MYO10: variants seen among roughly 807,000 people sequenced by gnomAD.
The protein encoded by MYO10 is myosin X, also known as unconventional myosin-X.
A neutral mutation model predicts 257.3 loss-of-function variants in MYO10; 133 were observed. That is an observed-to-expected ratio of 0.52 (90% CI 0.45 to 0.60). MYO10 has a LOEUF of 0.60. MYO10 is among the 20% of genes least tolerant of loss of function. The pLI, the probability that MYO10 is intolerant of heterozygous loss-of-function variation, is 0.00. For missense variants in MYO10, 2,399 were observed against 2,635.7 expected, an observed-to-expected ratio of 0.91 and a Z score of 1.97; for synonymous variants, 1,104 against 1,028.6, an observed-to-expected ratio of 1.07 and a Z score of -1.40.
At chr5:16,850,194 C>T (rs1051645924) in intron 2 of MYO10, among the ~76,000 whole-genome samples, 3 of 152,196 alleles carry the variant, frequency 2.0e-5, no homozygotes, top group Non-Finnish European at 4.4e-5. Context: ...ATGGCACCAT[C>T]GATTCATTCT....
intron 1 of MYO10, among the ~76,000 whole-genome samples, chr5:16,882,526 G>C (rs912346987): frequency 1.3e-5 from 2 of 151,872 alleles, no homozygotes; most frequent in African/African-American, 4.8e-5. Context: ...CTGGTATAGA[G>C]ATACTCAGAA....
chr5:16,702,891 C>T, intron 23 of MYO10, 34 bp downstream of exon 23: 2 of 1,522,632 alleles, frequency 1.3e-6, no homozygotes, highest in South Asian at 1.2e-5. Context: ...AAAATGTATC[C>T]ATTTGTTTCA....
chr5:16,693,277 T>C (rs949120737), intron 27 of MYO10, among the ~76,000 whole-genome samples: 1 of 152,112 alleles, frequency 6.6e-6, no homozygotes, highest in Non-Finnish European at 1.5e-5. Flanking sequence ...AGTCAATCAA[T>C]TGATCTATAG....
rs1270513260 is a variant in MYO10, at chr5:16,786,227, AT to A, written c.468-2759del. Among the ~76,000 whole-genome samples the A allele has an allele frequency of 1.2e-4, 18 of 152,146 alleles. 1 individual carries two copies. The highest frequency in any genetic ancestry group is 1.0e-3 in the Admixed American group (16 of 15,270). The stretch of plus-strand genomic sequence containing the variant: ...CCTTGGCTCACCGAATATGGCAAAA[AT>A]ACAATTATGGAGAAGATACGATACT... On this transcript the variant is annotated intron_variant, in intron 4 of 40. Coordinates refer to ENST00000513610, the MANE Select transcript of MYO10 (RefSeq NM_012334.3).
At chr5:16,828,648 C>T (rs1743071618) in intron 2 of MYO10, among the ~76,000 whole-genome samples, 1 of 149,994 alleles carries the variant, frequency 6.7e-6, no homozygotes, top group South Asian at 2.1e-4. Flanking sequence ...AGCAAAGAAT[C>T]CCAGTGACCC....
At chr5:16,834,616 T>A (rs1478428498) in intron 2 of MYO10, among the ~76,000 whole-genome samples, 1 of 152,170 alleles carries the variant, frequency 6.6e-6, no homozygotes, top group Non-Finnish European at 1.5e-5. Flanking sequence ...GGACTTTACG[T>A]TTGTCATCTA....
Position 16,681,889 on chromosome 5 carries a change from G to T in MYO10, c.4171C>A (p.Gln1391Lys), listed in dbSNP as rs759150568. ...CAGTCACCTCTCACGATGAATTCCT[G>T]GCCCTCCACTCTGGTGTCCCCTTTG... Reference protein sequence around the residue: ...RSKGDTRVEGQEFIVRGWLHK... With the variant: ...RSKGDTRVEGKEFIVRGWLHK... Residue 1391 changes from glutamine to lysine, a missense_variant, in exon 31 of 41, where the codon CAG (glutamine) becomes AAG (lysine). Transcript: ENST00000513610. 2 of 1,613,918 alleles carry T rather than the reference G, an allele frequency of 1.2e-6. No homozygotes were observed. The highest frequency in any genetic ancestry group is 1.7e-6 in the Non-Finnish European group (2 of 1,179,852).
chr5:16,849,830 C>T (rs1743747364), intron 2 of MYO10, among the ~76,000 whole-genome samples: 1 of 152,130 alleles, frequency 6.6e-6, no homozygotes. Context: ...CATTTCAAAG[C>T]AGCTAAAATA....
In MYO10 at chr5:16,676,028, T is replaced by C. The variant is rs1471968460; in HGVS notation, c.4666+3A>G. ...AGGAGTCGGGGTGGAGCTCTGGACT[T>C]ACAGTTGAGATTTATGTCCCCATAC... On this transcript the variant is annotated splice_donor_region_variant and intron_variant, in intron 34 of 40. Coordinates refer to ENST00000513610, the MANE Select transcript of MYO10 (RefSeq NM_012334.3). 2.5e-6 allele frequency: 4 copies of C among 1,606,250 alleles called. No homozygotes were observed. Among genetic ancestry groups the C allele is most frequent in the African/African-American group, 1.3e-5 (1 of 74,314 alleles).
At position 16,676,163 on chromosome 5, in the gene MYO10, A is replaced by C. The variant is rs77848028; in HGVS notation, c.4543-9T>G. The C allele has an allele frequency of 0.012, 19,076 of 1,610,868 alleles. 1,909 individuals are homozygous for C. The African/African-American group carries it at 0.22, about 19-fold the overall frequency. On this transcript the variant is annotated splice_polypyrimidine_tract_variant and intron_variant, in intron 33 of 40. Transcript: ENST00000513610. ...GAGTTCAGGCAGTTCTCCTAAAAAT[A>C]AAGCAAGCAAGCTTATTGTAAGAAA... is the stretch of plus-strand genomic sequence containing the variant.
At chr5:16,713,414 C>G in intron 19 of MYO10, 1 of 985,862 alleles carries the variant, frequency 1.0e-6, no homozygotes, top group Non-Finnish European at 1.2e-6. Context: ...GCCACACTGA[C>G]CTTTTCCCCA....
rs999788436 is a variant in MYO10, at chr5:16,880,175, T to A, written c.22-2468A>T. Among the ~76,000 whole-genome samples, 7 of 122,982 alleles carry A rather than the reference T, an allele frequency of 5.7e-5. No individual in the cohort carries two copies. The South Asian group carries it at 1.3e-3, about 23-fold the overall frequency. The allele number at this position is 122,982 out of a possible 152,430, so 80.7% of individuals were successfully genotyped here. ...AGCCTGGGTGACAGAGTAAACTCTATCTCAAAAAATAAATAAATAAGTAAA... is the reference window on the plus strand; with the variant it reads ...AGCCTGGGTGACAGAGTAAACTCTAACTCAAAAAATAAATAAATAAGTAAA... On this transcript the variant is annotated intron_variant, in intron 1 of 40. Transcript: ENST00000513610.
chr5:16,768,197 A>G (rs1001150327), intron 10 of MYO10, among the ~76,000 whole-genome samples: 6 of 152,188 alleles, frequency 3.9e-5, no homozygotes, highest in Non-Finnish European at 7.3e-5. Context: ...CTTCCATCAG[A>G]AAAGTTTTAA....
At position 16,711,141 on chromosome 5, in the gene MYO10, G is replaced by A; in HGVS notation, c.2034C>T (p.Pro678=). The change falls in exon 20 of 41, where the codon CCC becomes CCT. Residue 678 remains proline (P), a synonymous_variant. Coordinates refer to ENST00000513610, the MANE Select transcript of MYO10 (RefSeq NM_012334.3). ...CTTGCCTTTTGTAAAAGTCCTGAAA[G>A]GGTCTTCGGACCGCATACCCAGCTT... ...IRKAGYAVRR[P]FQDFYKRYKV... The A allele has an allele frequency of 6.2e-7, 1 of 1,613,912 alleles. No individual in the cohort carries two copies. The highest frequency in any genetic ancestry group is 2.2e-5 in the East Asian group (1 of 44,878).
At chr5:16,669,461 C>T (rs1441332895) in intron 39 of MYO10, among the ~76,000 whole-genome samples, 1 of 152,146 alleles carries the variant, frequency 6.6e-6, no homozygotes, top group East Asian at 1.9e-4. Context: ...GCCTTGGCCT[C>T]CCAAAGCGCT....
At chr5:16,916,240 C>A (rs1745813078) in intron 1 of MYO10, 1 of 437,554 alleles carries the variant, frequency 2.3e-6, no homozygotes, top group South Asian at 1.6e-5. Context: ...ATTTCACCGT[C>A]AACAGATAGT....
chr5:16,741,789 G>C (rs946126402), intron 19 of MYO10: 1 of 984,796 alleles, frequency 1.0e-6, no homozygotes, highest in Non-Finnish European at 1.2e-6. Context: ...GAACAAGAAA[G>C]AGAAAAATCC....
chr5:16,892,977 C>CCT (rs1464357360), intron 1 of MYO10, among the ~76,000 whole-genome samples: 1 of 151,938 alleles, frequency 6.6e-6, no homozygotes, highest in Non-Finnish European at 1.5e-5. Context: ...GGGCAGATCA[C>CCT]GAGGTCAGGA....
At chr5:16,719,163 C>T (rs1010512705) in intron 19 of MYO10, among the ~76,000 whole-genome samples, 2 of 151,882 alleles carry the variant, frequency 1.3e-5, no homozygotes, top group East Asian at 3.9e-4. Context: ...CACTCCTGAG[C>T]CCAGCGAGAC....
Sources: gnomAD v4.1 joint callset for allele counts (sites outside exome capture counted in the v4.1 genomes callset) on GRCh38, gnomAD v4.1.1 for gene constraint, MANE v1.5 for transcripts, NCBI Gene and HGNC (gene_info 2026-07-23, HGNC 2026-07-21) for gene names.